The following SLC24A2 variants were observed in gnomAD, a reference collection of about 807,000 sequenced individuals.
SLC24A2 encodes solute carrier family 24 member 2.
A neutral mutation model predicts 62.0 loss-of-function variants in SLC24A2; 36 were observed. The observed-to-expected ratio is 0.58, with a 90% CI of 0.44 to 0.77. SLC24A2 has a LOEUF of 0.77. Among genes scored for constraint, SLC24A2 ranks in the 30% least tolerant of loss-of-function variants. The pLI, the probability that SLC24A2 is intolerant of heterozygous loss-of-function variation, is 0.00. For synonymous variants in SLC24A2, 358 were observed against 294.0 expected (o/e 1.22, Z -2.23); for missense variants, 846 against 817.9 (o/e 1.03, Z -0.42).
chr9:20,043,253 G>A, the SLC24A2 span, among the ~76,000 whole-genome samples: 6 of 152,162 alleles, frequency 3.9e-5, no homozygotes, highest in African/African-American at 7.2e-5. Flanking sequence ...GCAAAAGAAC[G>A]AAAAGAAAGT....
chr9:19,558,079 G>A (rs756747243), intron 7 of SLC24A2, among the ~76,000 whole-genome samples: 1 of 152,106 alleles, frequency 6.6e-6, no homozygotes, highest in African/African-American at 2.4e-5. Context: ...CTGGGATTAT[G>A]GGTGTGAGCT....
the SLC24A2 span, among the ~76,000 whole-genome samples, chr9:20,011,049 G>A: frequency 6.6e-6 from 1 of 152,042 alleles, no homozygotes; most frequent in Admixed American, 6.5e-5. Context: ...TTGCTATTTT[G>A]AATAGTGCCA....
the SLC24A2 span, among the ~76,000 whole-genome samples, chr9:20,089,504 T>C: frequency 2.6e-5 from 4 of 151,954 alleles, no homozygotes; most frequent in South Asian, 4.1e-4. Context: ...CAGCACACCA[T>C]AGCCACCATA....
chr9:20,298,418 G>A, the SLC24A2 span, among the ~76,000 whole-genome samples: 2 of 152,050 alleles, frequency 1.3e-5, no homozygotes, highest in Admixed American at 6.6e-5. Context: ...TAGTAGAGAC[G>A]GGGTTTCATC....
At chr9:19,763,902 T>C (rs190765593) in intron 2 of SLC24A2, among the ~76,000 whole-genome samples, 1 of 152,354 alleles carries the variant, frequency 6.6e-6, no homozygotes, top group East Asian at 1.9e-4. Context: ...AGCTCCTCTT[T>C]GTACCTCTGG....
the SLC24A2 span, among the ~76,000 whole-genome samples, chr9:19,974,199 A>G: frequency 6.6e-6 from 1 of 152,178 alleles, no homozygotes; most frequent in Non-Finnish European, 1.5e-5. Context: ...AATTATATAC[A>G]ATTACTACTA....
the SLC24A2 span, among the ~76,000 whole-genome samples, chr9:19,833,571 C>A: frequency 6.6e-6 from 1 of 152,230 alleles, no homozygotes; most frequent in Non-Finnish European, 1.5e-5. Flanking sequence ...GTAAACAAAG[C>A]AGCAGGGAAG....
the SLC24A2 span, among the ~76,000 whole-genome samples, chr9:20,247,651 T>C: frequency 1.3e-5 from 2 of 152,206 alleles, no homozygotes; most frequent in Admixed American, 1.3e-4. Context: ...CAAATTTCTA[T>C]TGTTGGTTAG....
chr9:19,863,134 A>G, the SLC24A2 span, among the ~76,000 whole-genome samples: 1 of 152,046 alleles, frequency 6.6e-6, no homozygotes, highest in African/African-American at 2.4e-5. Context: ...GACAAAAGCT[A>G]TAAGAGAGAC....
intron 9 of SLC24A2, among the ~76,000 whole-genome samples, chr9:19,521,717 G>C (rs1176264856): frequency 6.6e-6 from 1 of 152,150 alleles, no homozygotes; most frequent in Admixed American, 6.5e-5. Context: ...ATATGTCATT[G>C]ATCCTCACTT....
At chr9:19,931,885 A>T in the SLC24A2 span, among the ~76,000 whole-genome samples, 2,621 of 152,256 alleles carry the variant, frequency 0.017, 69 homozygotes, top group African/African-American at 0.06. Context: ...GCTATTTTAC[A>T]TTATAGACTG....
At chr9:19,856,492 T>G in the SLC24A2 span, among the ~76,000 whole-genome samples, 7 of 152,016 alleles carry the variant, frequency 4.6e-5, no homozygotes, top group Admixed American at 4.6e-4. Context: ...TTTGTTTATG[T>G]TGTTGTTGTT....
intron 3 of SLC24A2, among the ~76,000 whole-genome samples, chr9:19,621,448 C>T (rs923441161): frequency 2.0e-5 from 3 of 152,198 alleles, no homozygotes; most frequent in African/African-American, 7.2e-5. Flanking sequence ...TTATTACTAA[C>T]TCTTTTGGCC....
the SLC24A2 span, among the ~76,000 whole-genome samples, chr9:19,807,807 C>A: frequency 6.6e-6 from 1 of 152,184 alleles, no homozygotes; most frequent in African/African-American, 2.4e-5. Context: ...AGTTCTAGCA[C>A]TGTGACTCTG....
chr9:20,203,628 G>A, the SLC24A2 span, among the ~76,000 whole-genome samples: 1 of 152,044 alleles, frequency 6.6e-6, no homozygotes, highest in Non-Finnish European at 1.5e-5. Context: ...AGGGTCGCTT[G>A]GGGCCAAGAG....
chr9:20,116,486 T>C, the SLC24A2 span, among the ~76,000 whole-genome samples: 2 of 152,156 alleles, frequency 1.3e-5, no homozygotes, highest in Non-Finnish European at 2.9e-5. Flanking sequence ...ACGGATTCAG[T>C]TCAGAGGCTA....
At chr9:20,304,705 A>G in the SLC24A2 span, among the ~76,000 whole-genome samples, 1 of 152,244 alleles carries the variant, frequency 6.6e-6, no homozygotes, top group Admixed American at 6.5e-5. Flanking sequence ...GTCTCCAGGA[A>G]CACAATCCTT....
chr9:19,584,283 A>C (rs1320854476), intron 5 of SLC24A2, among the ~76,000 whole-genome samples: 1 of 149,660 alleles, frequency 6.7e-6, no homozygotes, highest in African/African-American at 2.5e-5. Flanking sequence ...TAAAAAAAAA[A>C]AAAAAAAAAA....
the SLC24A2 span, among the ~76,000 whole-genome samples, chr9:20,140,748 C>G: frequency 2.6e-5 from 4 of 152,138 alleles, no homozygotes; most frequent in African/African-American, 9.6e-5. Flanking sequence ...CACAACCCCC[C>G]ACTTCTCTCA....
Sources: allele counts gnomAD v4.1 joint callset (sites outside exome capture counted in the v4.1 genomes callset), GRCh38; gene constraint gnomAD v4.1.1; transcripts MANE v1.5; gene names NCBI Gene and HGNC (gene_info 2026-07-23, HGNC 2026-07-21).